ADGRL3: variants seen among roughly 807,000 people sequenced by gnomAD.
The protein encoded by ADGRL3 is calcium-independent alpha-latrotoxin receptor 3.
In ADGRL3, 62 loss-of-function variants were observed where a neutral mutation model predicts 153.5. The ratio of observed to expected loss-of-function variants is 0.40; its 90% CI spans 0.33 to 0.50. The LOEUF is 0.50. ADGRL3 is among the 20% of genes least tolerant of loss of function. The pLI is 0.47. For synonymous variants in ADGRL3, 710 were observed against 672.5 expected (o/e 1.06, Z -0.86); for missense variants, 1,641 against 1,859.4 (o/e 0.88, Z 2.16).
intron 4 of ADGRL3, among the ~76,000 whole-genome samples, chr4:61,533,048 G>A (rs1344349182): frequency 6.6e-6 from 1 of 152,068 alleles, no homozygotes; most frequent in African/African-American, 2.4e-5. Flanking sequence ...CATTCTGAAA[G>A]CAGCCTTAAT....
At position 61,711,458 on chromosome 4, in the gene ADGRL3, T is replaced by TTATATATATATATATATATATATATA. The variant is rs1167827672; in HGVS notation, c.584-19155_584-19130dup. On this transcript the variant is annotated intron_variant, in intron 6 of 26. Transcript: ENST00000683033. ...ATACTATCTTAAAACATATGCTTCA[T>TTATATATATATATATATATATATATA]TATATATATATATATATATATATAT... 3.2e-4 allele frequency among the ~76,000 whole-genome samples: 11 copies of TTATATATATATATATATATATATATA among 34,654 alleles called. 1 individual carries two copies. The highest frequency in any genetic ancestry group is 6.1e-4 in the African/African-American group (6 of 9,866). 22.7% of individuals were successfully genotyped at this position (34,654 alleles called of 152,430 possible).
intron 2 of ADGRL3, among the ~76,000 whole-genome samples, chr4:61,414,052 A>G (rs1258984514): frequency 6.6e-6 from 1 of 152,198 alleles, no homozygotes; most frequent in Non-Finnish European, 1.5e-5. Flanking sequence ...GCCTGTTTCT[A>G]TTATTGAATT....
intron 2 of ADGRL3, chr4:61,385,785 T>C (rs2096728910): frequency 6.6e-6 from 1 of 152,212 alleles, no homozygotes; most frequent in African/African-American, 2.4e-5. Context: ...AACTATTATA[T>C]ATTCAACTTT....
intron 2 of ADGRL3, among the ~76,000 whole-genome samples, chr4:61,406,662 C>T (rs1232683665): frequency 6.6e-6 from 1 of 151,736 alleles, no homozygotes; most frequent in Non-Finnish European, 1.5e-5. Context: ...GTTAATAAAT[C>T]ATTGGAGTTA....
intron 6 of ADGRL3, among the ~76,000 whole-genome samples, chr4:61,725,674 T>A (rs940285747): frequency 6.6e-6 from 1 of 151,888 alleles, no homozygotes. Flanking sequence ...ACTTAATGAA[T>A]GAATATTATA....
intron 6 of ADGRL3, among the ~76,000 whole-genome samples, chr4:61,698,184 G>C (rs989590775): frequency 4.1e-4 from 63 of 152,152 alleles, no homozygotes; most frequent in African/African-American, 1.5e-3. Context: ...GGGCGTGGTG[G>C]CTCATGCCTG....
intron 4 of ADGRL3, among the ~76,000 whole-genome samples, chr4:61,580,045 A>G (rs2098917239): frequency 6.6e-6 from 1 of 152,100 alleles, no homozygotes; most frequent in South Asian, 2.1e-4. Context: ...TAAGAAAATT[A>G]TGTCAAAAGC....
chr4:61,449,156 AGACGG>A (rs2097642886), intron 2 of ADGRL3, among the ~76,000 whole-genome samples: 5 of 151,578 alleles, frequency 3.3e-5, no homozygotes, highest in Admixed American at 1.3e-4. Flanking sequence ...TTATTTTTTG[AGACGG>A]AGTCTCACTC....
chr4:61,355,788 A>G (rs183142807), intron 1 of ADGRL3, among the ~76,000 whole-genome samples: 1 of 152,206 alleles, frequency 6.6e-6, no homozygotes, highest in African/African-American at 2.4e-5. Context: ...AGAATAAAAG[A>G]AATGGCAGTT....
intron 6 of ADGRL3, among the ~76,000 whole-genome samples, chr4:61,710,624 A>G (rs1392612309): frequency 6.6e-6 from 1 of 152,182 alleles, no homozygotes; most frequent in African/African-American, 2.4e-5. Context: ...GTATAGATAA[A>G]TGACGCTAAA....
At chr4:61,303,137 C>T (rs1227367727) in intron 1 of ADGRL3, among the ~76,000 whole-genome samples, 2 of 152,166 alleles carry the variant, frequency 1.3e-5, no homozygotes, top group Admixed American at 6.5e-5. Context: ...ATAGAATTAA[C>T]ACACCAAACA....
rs1429529696 is a variant in ADGRL3, at chr4:62,070,826, G to T, written c.4550G>T (p.Gly1517Val). The T allele has an allele frequency of 2.0e-5, 31 of 1,551,544 alleles. No individual in the cohort carries two copies. The highest frequency in any genetic ancestry group is 2.7e-5 in the Non-Finnish European group (31 of 1,146,976). Residue 1517 changes from glycine to valine, a missense_variant, in exon 27 of 27, where the codon GGA becomes GTA. Physicochemically the swap from Gly to Val is moderately radical, Grantham distance 109 (BLOSUM62 -3). Coordinates refer to ENST00000683033, the MANE Select transcript of ADGRL3 (RefSeq NM_001387552.1). The stretch of plus-strand genomic sequence containing the variant: ...CAGCTAGGTCGCGGCAGCAGTGATG[G>T]ATTTATAGTTCCTCCAAACAAAGAT... ...YYQLGRGSSD[G>V]FIVPPNKDGT...
intron 6 of ADGRL3, among the ~76,000 whole-genome samples, chr4:61,681,040 T>C (rs1402582043): frequency 6.6e-6 from 1 of 152,122 alleles, no homozygotes; most frequent in Non-Finnish European, 1.5e-5. Flanking sequence ...CCCTAGGAGA[T>C]GACCCAAATA....
At chr4:61,540,791 A>C (rs965709197) in intron 4 of ADGRL3, among the ~76,000 whole-genome samples, 10 of 149,480 alleles carry the variant, frequency 6.7e-5, no homozygotes, top group South Asian at 2.1e-4. Flanking sequence ...AGAACACACA[A>C]AAAAAATTAA....
Position 61,832,642 on chromosome 4 carries a change from CT to C in ADGRL3, c.1480+18756del. ...CAGGGACCTCCAATAATCTACTGTTCTTTCCTTATCATCTGATATGTATTTT... is the reference window on the plus strand; with the variant it reads ...CAGGGACCTCCAATAATCTACTGTTCTTCCTTATCATCTGATATGTATTTT... On this transcript the variant is annotated intron_variant, in intron 9 of 26. Transcript: ENST00000683033. 1.3e-5 allele frequency among the ~76,000 whole-genome samples: 2 copies of C among 152,238 alleles called. 1 individual carries two copies. The highest frequency in any genetic ancestry group is 4.1e-4 in the South Asian group (2 of 4,830).
intron 2 of ADGRL3, among the ~76,000 whole-genome samples, chr4:61,458,498 TTAGA>T (rs1295863808): frequency 4.0e-5 from 6 of 151,282 alleles, no homozygotes; most frequent in Non-Finnish European, 3.0e-5. Context: ...AAATTTACTG[TTAGA>T]TAGGTCAATA....
chr4:61,987,134 ATTTTATTTTATTTTATTTAT>A (rs1278872218), intron 19 of ADGRL3, among the ~76,000 whole-genome samples: 4 of 143,174 alleles, frequency 2.8e-5, no homozygotes, highest in African/African-American at 1.1e-4. Flanking sequence ...ATTTTATTTT[ATTTTATTTTATTTTATTTAT>A]TTTATTTTAT....
chr4:61,963,377 G>C (rs1022596012), intron 17 of ADGRL3, among the ~76,000 whole-genome samples: 1 of 151,856 alleles, frequency 6.6e-6, no homozygotes, highest in Admixed American at 6.6e-5. Flanking sequence ...AATCAACAGA[G>C]TACCTGATAG....
chr4:61,358,611 A>AAAG lies in ADGRL3; in HGVS notation c.-239-24511_-239-24510insGAA, dbSNP rs1385775852. On this transcript the variant is annotated intron_variant, in intron 1 of 26. Coordinates refer to ENST00000683033, the MANE Select transcript of ADGRL3 (RefSeq NM_001387552.1). ...GACTCCGTCTCAAAAAAAAAAAAAA[A>AAAG]AAAAAAGAAAGCAGACCATTGATGT... Among the ~76,000 whole-genome samples, 11 of 150,976 alleles carry AAAG rather than the reference A, an allele frequency of 7.3e-5. No individual in the cohort carries two copies. In the East Asian group the frequency reaches 1.2e-3, roughly 16 times the overall value.
Sources: allele counts gnomAD v4.1 joint callset (sites outside exome capture counted in the v4.1 genomes callset), GRCh38; gene constraint gnomAD v4.1.1; transcripts MANE v1.5; gene names NCBI Gene and HGNC (gene_info 2026-07-23, HGNC 2026-07-21).